Variants in ERG observed in about 807,000 individuals in gnomAD.
ERG encodes the protein ETS transcription factor ERG, also known as transcriptional regulator ERG.
In ERG, 9 loss-of-function variants were observed where a neutral mutation model predicts 55.3. The observed-to-expected ratio is 0.16, with a 90% CI of 0.10 to 0.28. The LOEUF is 0.28. ERG is among the 10% of genes least tolerant of loss of function. The pLI, the probability that ERG is intolerant of heterozygous loss-of-function variation, is 1.00. For synonymous variants in ERG, 223 were observed against 237.3 expected (o/e 0.94, Z 0.55); for missense variants, 434 against 631.6 (o/e 0.69, Z 3.35).
chr21:38,496,488 A>G (rs563517282), intron 1 of ERG, among the ~76,000 whole-genome samples: 1 of 152,336 alleles, frequency 6.6e-6, no homozygotes, highest in East Asian at 1.9e-4. Context: ...TACTTTACCC[A>G]GGAAATCTAA....
intron 1 of ERG, among the ~76,000 whole-genome samples, chr21:38,619,995 C>T (rs917534065): frequency 6.6e-6 from 1 of 152,222 alleles, no homozygotes; most frequent in Non-Finnish European, 1.5e-5. Context: ...ATGCTTTGCA[C>T]ACTTGAATGG....
rs77074194 is a variant in ERG, at chr21:38,609,008, C to G, written c.-149-24063G>C. 1.4e-4 allele frequency among the ~76,000 whole-genome samples: 22 copies of G among 152,250 alleles called. No homozygotes were observed. In the East Asian group the frequency reaches 4.1e-3, roughly 28 times the overall value. On this transcript the variant is annotated intron_variant, in intron 1 of 10. Coordinates refer to the ERG transcript ENST00000398910. ...TACTACAGTCAAACAGATTAACATA[C>G]CCATCATCTCCCATTGTCAGTGTCT...
intron 1 of ERG, among the ~76,000 whole-genome samples, chr21:38,475,662 G>T (rs997275214): frequency 6.6e-6 from 1 of 152,056 alleles, no homozygotes; most frequent in African/African-American, 2.4e-5. Context: ...TAAACTAGAG[G>T]TCCCGCCCCC....
chr21:38,641,803 A>ACACAATT (rs2060426835), intron 1 of ERG, among the ~76,000 whole-genome samples: 1 of 152,242 alleles, frequency 6.6e-6, no homozygotes, highest in African/African-American at 2.4e-5. Flanking sequence ...ATCTTTCATC[A>ACACAATT]CACAATTCCA....
chr21:38,375,608 AATTGG>A (rs1382283926), downstream of ERG, among the ~76,000 whole-genome samples: 7 of 152,324 alleles, frequency 4.6e-5, no homozygotes, highest in East Asian at 1.9e-4. Context: ...AAAAACTGAG[AATTGG>A]ATTGAAGAAC....
At chr21:38,619,606 A>T (rs2060278296) in intron 1 of ERG, among the ~76,000 whole-genome samples, 1 of 152,252 alleles carries the variant, frequency 6.6e-6, no homozygotes, top group African/African-American at 2.4e-5. Context: ...TACACAATGT[A>T]TTGGTGAATC....
upstream of ERG, among the ~76,000 whole-genome samples, chr21:38,503,355 C>G (rs1431993825): frequency 1.4e-5 from 2 of 144,614 alleles, no homozygotes; most frequent in Admixed American, 1.4e-4. Context: ...ATGTCTACAG[C>G]AAGCATAGAG....
chr21:38,513,201 A>T (rs185107497), intron 2 of ERG, among the ~76,000 whole-genome samples: 1 of 152,266 alleles, frequency 6.6e-6, no homozygotes, highest in Non-Finnish European at 1.5e-5. Context: ...ATATAGCTAC[A>T]AAGAGGTTGA....
chr21:38,544,464 A>G (rs907225785), intron 2 of ERG, among the ~76,000 whole-genome samples: 1 of 152,176 alleles, frequency 6.6e-6, no homozygotes, highest in Non-Finnish European at 1.5e-5. Context: ...AGAGCAGTGG[A>G]GCTGGGGAGT....
At chr21:38,421,765 C>G (rs1232826527) in intron 3 of ERG, among the ~76,000 whole-genome samples, 1 of 152,228 alleles carries the variant, frequency 6.6e-6, no homozygotes, top group Non-Finnish European at 1.5e-5. Flanking sequence ...TCCCACTTAC[C>G]AGGCACTGCA....
chr21:38,507,725 G>C (rs1051421434), intron 2 of ERG, among the ~76,000 whole-genome samples: 7 of 152,176 alleles, frequency 4.6e-5, no homozygotes, highest in Non-Finnish European at 7.3e-5. Flanking sequence ...AACTGGGACA[G>C]GCCCAGCCAG....
At chr21:38,590,202 A>C (rs560564711) in intron 1 of ERG, among the ~76,000 whole-genome samples, 1 of 152,282 alleles carries the variant, frequency 6.6e-6, no homozygotes, top group African/African-American at 2.4e-5. Flanking sequence ...GGCTATGATG[A>C]GAGGTTATAC....
chr21:38,481,796 T>C (rs1284816478), intron 1 of ERG, among the ~76,000 whole-genome samples: 1 of 152,226 alleles, frequency 6.6e-6, no homozygotes. Context: ...AAAAGATTGC[T>C]ACAGTTTCAC....
chr21:38,596,055 T>G (rs2060129141), intron 1 of ERG, among the ~76,000 whole-genome samples: 3 of 103,654 alleles, frequency 2.9e-5, no homozygotes, highest in Admixed American at 9.0e-5. Flanking sequence ...TGGTGTGGGA[T>G]TGGGGGGGGG....
chr21:38,424,687 A>C (rs1989737750), intron 2 of ERG, among the ~76,000 whole-genome samples: 2 of 152,250 alleles, frequency 1.3e-5, no homozygotes, highest in African/African-American at 4.8e-5. Context: ...TCAAAACCTC[A>C]GAATGAAATC....
chr21:38,472,601 G>A (rs1028169326), intron 1 of ERG, among the ~76,000 whole-genome samples: 2 of 152,134 alleles, frequency 1.3e-5, no homozygotes, highest in Non-Finnish European at 2.9e-5. Context: ...CCCCCGCTGA[G>A]CTCATCACAT....
At chr21:38,395,936 C>A (rs911422773) in intron 6 of ERG, among the ~76,000 whole-genome samples, 1 of 152,330 alleles carries the variant, frequency 6.6e-6, no homozygotes, top group Admixed American at 6.5e-5. Flanking sequence ...CACACCGCCA[C>A]CCCGCTGCCT....
At position 38,392,430 on chromosome 21, in the gene ERG, G is replaced by A. The variant is rs1395772766; in HGVS notation, c.760C>T (p.Pro254Ser). The A allele has an allele frequency of 6.5e-7, 1 of 1,546,720 alleles. No individual in the cohort carries two copies. Among genetic ancestry groups the A allele is most frequent in the South Asian group, 1.2e-5 (1 of 82,026 alleles). The change falls in exon 7 of 10, where the codon CCC (proline) becomes TCC (serine). Residue 254 changes from proline to serine, a missense_variant. Physicochemically the swap from Pro to Ser is moderately conservative, Grantham distance 74. This residue lies in a region of ERG where 99 missense variants were observed against 145.6 expected (regional missense o/e 0.68). Coordinates refer to ENST00000288319, the MANE Select transcript of ERG (RefSeq NM_182918.4). ...CCGGTCCAGGCTGATCTCCTGGGGG[G>A]CTCATATGGTAAATCTGTAAAGACA... ...ITTRPDLPYE[P>S]PRRSAWTGHG...
intron 1 of ERG, among the ~76,000 whole-genome samples, chr21:38,660,903 GC>G (rs2060550858): frequency 6.6e-6 from 1 of 152,058 alleles, no homozygotes; most frequent in African/African-American, 2.4e-5. Flanking sequence ...GTCCGTGCGC[GC>G]GCCCTCGGGG....
Sources: allele counts gnomAD v4.1 joint callset (sites outside exome capture counted in the v4.1 genomes callset), GRCh38; gene constraint gnomAD v4.1.1; regional missense constraint gnomAD v4.1.1; transcripts MANE v1.5; gene names NCBI Gene and HGNC (gene_info 2026-07-23, HGNC 2026-07-21).